The following CDYL2 variants were observed in gnomAD, a reference collection of about 807,000 sequenced individuals.
The protein encoded by CDYL2 is chromodomain Y like 2, also known as chromodomain Y-like protein 2.
CDYL2 carries 23 observed loss-of-function variants against 49.4 expected under a neutral mutation model. The ratio of observed to expected loss-of-function variants is 0.47; its 90% CI spans 0.34 to 0.66. The LOEUF is 0.66. Among genes scored for constraint, CDYL2 ranks in the 30% least tolerant of loss-of-function variants. The probability of loss-of-function intolerance (pLI) is 0.01; values close to 1 mark genes in which losing one functional copy is unlikely to be tolerated. For synonymous variants in CDYL2, 360 were observed against 268.8 expected (o/e 1.34, Z -3.32); for missense variants, 678 against 656.4 (o/e 1.03, Z -0.36).
chr16:80,746,780 C>T (rs1231337642), intron 1 of CDYL2, among the ~76,000 whole-genome samples: 2 of 152,168 alleles, frequency 1.3e-5, no homozygotes, highest in African/African-American at 4.8e-5. Flanking sequence ...ATAGAGACCA[C>T]TCACTAGGAC....
chr16:80,721,409 T>A (rs1461976224), intron 1 of CDYL2, among the ~76,000 whole-genome samples: 1 of 152,152 alleles, frequency 6.6e-6, no homozygotes, highest in East Asian at 1.9e-4. Flanking sequence ...ACAAGCTTCT[T>A]TTCCAAGGCA....
chr16:80,702,341 A>AT (rs1904306287), intron 1 of CDYL2, among the ~76,000 whole-genome samples: 1 of 152,138 alleles, frequency 6.6e-6, no homozygotes, highest in South Asian at 2.1e-4. Flanking sequence ...CATGTATCCC[A>AT]TTTTTTAGAA....
intron 1 of CDYL2, among the ~76,000 whole-genome samples, chr16:80,782,273 C>A (rs1286085443): frequency 3.3e-5 from 5 of 151,728 alleles, no homozygotes; most frequent in African/African-American, 1.2e-4. Context: ...GAAACACAAA[C>A]AAGCAAAACA....
chr16:80,772,921 G>A (rs1270452959), intron 1 of CDYL2, among the ~76,000 whole-genome samples: 1 of 132,444 alleles, frequency 7.6e-6, no homozygotes, highest in Non-Finnish European at 1.6e-5. Context: ...GGGACAAAAA[G>A]AAAGCACACA....
rs1198355502 is a variant in CDYL2, at chr16:80,648,041, G to C, written c.617-14805C>G. Among the ~76,000 whole-genome samples, 6 of 152,012 alleles carry C rather than the reference G, an allele frequency of 3.9e-5. No homozygotes were observed. In the East Asian group the frequency reaches 1.2e-3, roughly 29 times the overall value. ...TTAAGAGGGAATTTTATAGCTTTAA[G>C]TGCCTATACCAAAAAAGAAGAAAAA... is the stretch of plus-strand genomic sequence containing the variant. On this transcript the variant is annotated intron_variant, in intron 2 of 6. Transcript: ENST00000570137.
intron 2 of CDYL2, among the ~76,000 whole-genome samples, chr16:80,674,079 T>C (rs1909642212): frequency 1.3e-5 from 2 of 152,336 alleles, no homozygotes; most frequent in East Asian, 1.9e-4. Context: ...GAAGGTGGTG[T>C]TGCTTTAAGC....
At chr16:80,615,148 A>AC in intron 4 of CDYL2, among the ~76,000 whole-genome samples, 1 of 152,262 alleles carries the variant, frequency 6.6e-6, no homozygotes, top group Non-Finnish European at 1.5e-5. Context: ...AAAAGGTACT[A>AC]CTTCAGAGAG....
At chr16:80,610,438 G>A (rs1042090828) in intron 5 of CDYL2, among the ~76,000 whole-genome samples, 4 of 152,076 alleles carry the variant, frequency 2.6e-5, no homozygotes, top group Non-Finnish European at 4.4e-5. Flanking sequence ...TTCCTAAAAA[G>A]GAACAATTCA....
Position 80,603,528 on chromosome 16 carries a change from T to A in CDYL2, c.*860A>T, listed in dbSNP as rs1345797323. On this transcript the variant is annotated 3_prime_UTR_variant, in exon 7 of 7. Transcript: ENST00000570137. ...GTCCACAGAAATCCTTCTGTTTTCA[T>A]CTCTCTAAACTTTATTTCTACATGG... 1 of 152,360 alleles carries A rather than the reference T, an allele frequency of 6.6e-6. No individual in the cohort carries two copies. Among genetic ancestry groups the A allele is most frequent in the African/African-American group, 2.4e-5 (1 of 41,450 alleles). 9.4% of individuals were successfully genotyped at this position (152,360 alleles called of 1,614,324 possible).
intron 2 of CDYL2, among the ~76,000 whole-genome samples, chr16:80,670,238 T>A (rs892633343): frequency 4.6e-5 from 7 of 152,114 alleles, no homozygotes; most frequent in Non-Finnish European, 7.4e-5. Context: ...ATTGTAGTTT[T>A]TATAATCCCC....
intron 2 of CDYL2, among the ~76,000 whole-genome samples, chr16:80,682,521 C>T (rs868256310): frequency 1.1e-4 from 17 of 152,188 alleles, no homozygotes; most frequent in African/African-American, 3.6e-4. Flanking sequence ...AAGAGGCACA[C>T]CCTCATGTAG....
intron 1 of CDYL2, among the ~76,000 whole-genome samples, chr16:80,687,358 A>G (rs1021620036): frequency 1.3e-5 from 2 of 152,134 alleles, no homozygotes; most frequent in African/African-American, 4.8e-5. Context: ...AGCCAACACA[A>G]TGGATGAGTG....
chr16:80,760,638 T>G (rs1188491014), intron 1 of CDYL2, among the ~76,000 whole-genome samples: 1 of 152,044 alleles, frequency 6.6e-6, no homozygotes, highest in African/African-American at 2.4e-5. Flanking sequence ...AAATTAAAAA[T>G]TTAAAAAGAA....
chr16:80,653,855 T>C (rs977232815), intron 2 of CDYL2, among the ~76,000 whole-genome samples: 4 of 152,210 alleles, frequency 2.6e-5, no homozygotes, highest in Admixed American at 2.0e-4. Context: ...ACAGGGATCA[T>C]GGGAGGATTG....
chr16:80,727,609 G>T (rs1905206540), intron 1 of CDYL2, among the ~76,000 whole-genome samples: 1 of 152,238 alleles, frequency 6.6e-6, no homozygotes, highest in Admixed American at 6.5e-5. Context: ...GCTCAAGGAG[G>T]CCTGCCTGCC....
At chr16:80,630,058 A>G (rs865774897) in intron 3 of CDYL2, among the ~76,000 whole-genome samples, 1 of 152,242 alleles carries the variant, frequency 6.6e-6, no homozygotes, top group African/African-American at 2.4e-5. Context: ...CAGGTCTGCT[A>G]GACTAAAACC....
At chr16:80,702,510 G>T (rs1210667139) in intron 1 of CDYL2, among the ~76,000 whole-genome samples, 1 of 152,154 alleles carries the variant, frequency 6.6e-6, no homozygotes, top group Admixed American at 6.5e-5. Flanking sequence ...AGCACTCTGG[G>T]AGACCAAAGC....
At chr16:80,700,653 G>T (rs1349793892) in intron 1 of CDYL2, among the ~76,000 whole-genome samples, 1 of 152,180 alleles carries the variant, frequency 6.6e-6, no homozygotes, top group Non-Finnish European at 1.5e-5. Context: ...CCCTATGTTG[G>T]CAAGGATGTG....
intron 2 of CDYL2, among the ~76,000 whole-genome samples, chr16:80,663,837 C>A (rs1413083097): frequency 6.6e-6 from 1 of 152,218 alleles, no homozygotes; most frequent in Non-Finnish European, 1.5e-5. Context: ...AGGCAATCCA[C>A]CACCTTGGCC....
Sources: allele counts gnomAD v4.1 joint callset (sites outside exome capture counted in the v4.1 genomes callset), GRCh38; gene constraint gnomAD v4.1.1; transcripts MANE v1.5; gene names NCBI Gene and HGNC (gene_info 2026-07-23, HGNC 2026-07-21).